TCF7L2: variants seen among roughly 807,000 people sequenced by gnomAD.
TCF7L2 encodes the protein transcription factor 7 like 2, also known as transcription factor 7-like 2.
TCF7L2 carries 23 observed loss-of-function variants against 77.9 expected under a neutral mutation model. The observed-to-expected ratio is 0.30, with a 90% confidence interval of 0.21 to 0.42. TCF7L2 has a LOEUF of 0.42. TCF7L2 is among the 10% of genes least tolerant of loss of function. The pLI is 1.00. For synonymous variants in TCF7L2, 413 were observed against 340.2 expected (o/e 1.21, Z -2.36); for missense variants, 654 against 793.1 (o/e 0.82, Z 2.11).
intron 5 of TCF7L2, among the ~76,000 whole-genome samples, chr10:113,096,606 A>G (rs2060998881): frequency 6.6e-6 from 1 of 151,996 alleles, no homozygotes; most frequent in Non-Finnish European, 1.5e-5. Context: ...TGGAAGCGCC[A>G]TAGGAGGCCA....
At position 112,951,187 on chromosome 10, in the gene TCF7L2, A is replaced by C. The variant is rs1373119495; in HGVS notation, c.190-20A>C. ...GTGGCGTTTGCCCCTCGCCCTCCCC[A>C]CCTCCACCCCTCTGGGAAGGCGGAA... On this transcript the variant is annotated intron_variant, in intron 1 of 13. Transcript: ENST00000627217. 1.8e-5 allele frequency: 27 copies of C among 1,463,116 alleles called. No homozygotes were observed. The highest frequency in any genetic ancestry group is 1.4e-4 in the African/African-American group (6 of 42,446). The allele number at this position is 1,463,116 out of a possible 1,614,324, so 90.6% of individuals were successfully genotyped here.
chr10:113,074,218 C>CT (rs926897581), intron 5 of TCF7L2, among the ~76,000 whole-genome samples: 2 of 152,118 alleles, frequency 1.3e-5, no homozygotes, highest in Non-Finnish European at 2.9e-5. Flanking sequence ...TAGATGGACT[C>CT]TTTATTATTT....
At chr10:113,062,276 G>T (rs2056582497) in intron 5 of TCF7L2, among the ~76,000 whole-genome samples, 1 of 152,140 alleles carries the variant, frequency 6.6e-6, no homozygotes, top group Non-Finnish European at 1.5e-5. Context: ...CCCTGCTGTT[G>T]CCACATCATC....
At chr10:112,981,418 A>G (rs2040452956) in intron 4 of TCF7L2, among the ~76,000 whole-genome samples, 1 of 152,202 alleles carries the variant, frequency 6.6e-6, no homozygotes. Context: ...AATAAATCCT[A>G]ATACTCCTGA....
At chr10:112,988,115 T>A (rs769904958) in intron 4 of TCF7L2, among the ~76,000 whole-genome samples, 1 of 150,768 alleles carries the variant, frequency 6.6e-6, no homozygotes, top group African/African-American at 2.5e-5. Flanking sequence ...TGTGTGTGTG[T>A]TTTGAGACAG....
intron 5 of TCF7L2, among the ~76,000 whole-genome samples, chr10:113,059,842 A>G (rs762942322): frequency 6.6e-6 from 1 of 152,238 alleles, no homozygotes; most frequent in Non-Finnish European, 1.5e-5. Flanking sequence ...GAGATAGGAA[A>G]AGAGCAGATT....
chr10:112,985,857 A>G (rs894355344), intron 4 of TCF7L2, among the ~76,000 whole-genome samples: 1 of 109,576 alleles, frequency 9.1e-6, no homozygotes, highest in African/African-American at 3.7e-5. Flanking sequence ...AGAAGCCTGT[A>G]GTTTGTGTGT....
At chr10:113,137,699 A>G (rs1238754290) in intron 5 of TCF7L2, among the ~76,000 whole-genome samples, 2 of 152,202 alleles carry the variant, frequency 1.3e-5, no homozygotes, top group Non-Finnish European at 2.9e-5. Context: ...GAGCGCCAAC[A>G]TTTACTTGAA....
chr10:113,032,266 T>G (rs1045447743), intron 4 of TCF7L2, among the ~76,000 whole-genome samples: 1 of 152,230 alleles, frequency 6.6e-6, no homozygotes, highest in Non-Finnish European at 1.5e-5. Context: ...ATAGCCTCCC[T>G]GCAGAACCAC....
intron 4 of TCF7L2, among the ~76,000 whole-genome samples, chr10:113,007,910 TTTA>T (rs2045844528): frequency 6.6e-6 from 1 of 152,182 alleles, no homozygotes; most frequent in African/African-American, 2.4e-5. Flanking sequence ...CTGTTCCTGA[TTTA>T]GCGAGGTGTT....
intron 4 of TCF7L2, among the ~76,000 whole-genome samples, chr10:113,005,688 G>A (rs2045420382): frequency 1.3e-5 from 2 of 152,106 alleles, no homozygotes; most frequent in South Asian, 4.1e-4. Flanking sequence ...CCAGAAAGGT[G>A]GTCTGCAAAG....
chr10:113,130,896 G>T (rs1023205419), intron 5 of TCF7L2, among the ~76,000 whole-genome samples: 2 of 152,024 alleles, frequency 1.3e-5, no homozygotes, highest in African/African-American at 4.8e-5. Context: ...TTCCTGAGTA[G>T]CTGGTATTAC....
At chr10:113,070,963 A>T (rs2057930953) in intron 5 of TCF7L2, among the ~76,000 whole-genome samples, 2 of 152,138 alleles carry the variant, frequency 1.3e-5, no homozygotes, top group Admixed American at 6.5e-5. Context: ...CCACAGTCCT[A>T]GGCAACAACT....
chr10:113,017,082 G>C (rs2047467169), intron 4 of TCF7L2, among the ~76,000 whole-genome samples: 1 of 152,148 alleles, frequency 6.6e-6, no homozygotes, highest in Non-Finnish European at 1.5e-5. Context: ...TTTCCACTCT[G>C]TCTCCTATAA....
At chr10:113,003,093 G>T (rs934754770) in intron 4 of TCF7L2, among the ~76,000 whole-genome samples, 2 of 152,202 alleles carry the variant, frequency 1.3e-5, no homozygotes, top group Admixed American at 1.3e-4. Context: ...GCCTGATTAT[G>T]TATGGGCAAA....
intron 8 of TCF7L2, among the ~76,000 whole-genome samples, chr10:113,146,360 A>G (rs2069388917): frequency 6.6e-6 from 1 of 152,234 alleles, no homozygotes; most frequent in African/African-American, 2.4e-5. Flanking sequence ...AGGGAGAAAC[A>G]GGACAGAAGC....
intron 4 of TCF7L2, among the ~76,000 whole-genome samples, chr10:113,010,643 G>A (rs1236695552): frequency 6.6e-6 from 1 of 152,220 alleles, no homozygotes; most frequent in Non-Finnish European, 1.5e-5. Flanking sequence ...CAGGGGGACT[G>A]TGATTGCTCC....
chr10:112,991,095 G>C (rs1314343825), intron 4 of TCF7L2, among the ~76,000 whole-genome samples: 1 of 152,078 alleles, frequency 6.6e-6, no homozygotes, highest in Non-Finnish European at 1.5e-5. Flanking sequence ...GGCCAGACTC[G>C]GACTGCCTGG....
chr10:113,164,607 A>C lies in TCF7L2; in HGVS notation c.1392-948A>C, dbSNP rs548395697. Among the ~76,000 whole-genome samples the C allele has an allele frequency of 2.8e-3, 426 of 151,998 alleles. 1 individual carries two copies. Among genetic ancestry groups the C allele is most frequent in the African/African-American group, 9.8e-3 (405 of 41,474 alleles). ...AAAGCCCCAAATCTTAAAAAAAAAA[A>C]AAAAATCAAGTTTGAATCTTAATTT... On this transcript the variant is annotated intron_variant, in intron 13 of 13. Coordinates refer to ENST00000627217, the MANE Select transcript of TCF7L2 (RefSeq NM_001146274.2).
Sources: allele counts gnomAD v4.1 joint callset (sites outside exome capture counted in the v4.1 genomes callset), GRCh38; gene constraint gnomAD v4.1.1; transcripts MANE v1.5; gene names NCBI Gene and HGNC (gene_info 2026-07-23, HGNC 2026-07-21).